PNLIPRP3: variants seen among roughly 807,000 people sequenced by gnomAD.
PNLIPRP3 encodes pancreatic lipase-related protein 3.
A neutral mutation model predicts 52.8 loss-of-function variants in PNLIPRP3; 58 were observed. That is an observed-to-expected ratio of 1.10 (90% CI 0.89 to 1.37). PNLIPRP3 has a LOEUF of 1.37. PNLIPRP3 is among the 40% of genes most tolerant of loss of function. The probability of loss-of-function intolerance (pLI) is 0.00; values close to 1 mark genes in which losing one functional copy is unlikely to be tolerated. For missense variants in PNLIPRP3, 593 were observed against 561.6 expected (o/e 1.06, Z -0.57); for synonymous variants, 192 against 185.0 (o/e 1.04, Z -0.31).
chr10:116,434,362 A>T (rs1442263805), intron 1 of PNLIPRP3, among the ~76,000 whole-genome samples: 1 of 152,180 alleles, frequency 6.6e-6, no homozygotes, highest in East Asian at 1.9e-4. Context: ...TAATGGCTGC[A>T]TAATATTCCT....
chr10:116,457,438 A>T lies in PNLIPRP3; in HGVS notation c.565+1608A>T, dbSNP rs142135491. 9.9e-3 allele frequency among the ~76,000 whole-genome samples: 1,500 copies of T among 152,272 alleles called. 23 individuals carry two copies. Among genetic ancestry groups the T allele is most frequent in the African/African-American group, 0.035 (1,435 of 41,538 alleles). ...CAATTTAGAACACAGTTTTTAAAAA[A>T]ATACCTAGAAGTCCAAATTGGGATT... On this transcript the variant is annotated intron_variant, in intron 5 of 11. Transcript: ENST00000369230.
At chr10:116,474,797 T>C (rs1846433328) in intron 10 of PNLIPRP3, among the ~76,000 whole-genome samples, 1 of 152,016 alleles carries the variant, frequency 6.6e-6, no homozygotes, top group Non-Finnish European at 1.5e-5. Context: ...AGTCAAAAAA[T>C]AACATGCTGG....
At position 116,458,190 on chromosome 10, in the gene PNLIPRP3, C is replaced by G. The variant is rs184512220; in HGVS notation, c.565+2360C>G. 5.9e-5 allele frequency among the ~76,000 whole-genome samples: 9 copies of G among 152,232 alleles called. 1 individual carries two copies. In the East Asian group the frequency reaches 1.7e-3, roughly 29 times the overall value. On this transcript the variant is annotated intron_variant, in intron 5 of 11. Transcript: ENST00000369230. ...GCTTTTATTTATTTTTATTTATAAA[C>G]AGTATCAACGCTTTTCTTATTTGAG...
intron 4 of PNLIPRP3, among the ~76,000 whole-genome samples, chr10:116,453,204 G>A (rs2133133109): frequency 6.6e-6 from 1 of 152,292 alleles, no homozygotes; most frequent in Middle Eastern, 3.4e-3. Flanking sequence ...TTTGCATGGG[G>A]CCTATTACCT....
intron 8 of PNLIPRP3, among the ~76,000 whole-genome samples, chr10:116,468,331 G>A (rs190763473): frequency 2.0e-5 from 3 of 151,870 alleles, no homozygotes; most frequent in Non-Finnish European, 4.4e-5. Flanking sequence ...AAAAATGAAG[G>A]CCACAATTTA....
intron 4 of PNLIPRP3, among the ~76,000 whole-genome samples, chr10:116,446,993 A>G (rs1845962796): frequency 2.0e-5 from 3 of 152,126 alleles, no homozygotes; most frequent in Non-Finnish European, 4.4e-5. Context: ...ATATTTTAGT[A>G]TCTAGGGGCC....
chr10:116,469,221 A>G lies in PNLIPRP3; in HGVS notation c.964A>G (p.Thr322Ala). The G allele has an allele frequency of 2.5e-6, 4 of 1,612,678 alleles. No homozygotes were observed. The highest frequency in any genetic ancestry group is 3.4e-6 in the Non-Finnish European group (4 of 1,179,516). Residue 322 changes from threonine (T) to alanine (A), a missense_variant, in exon 9 of 12, where the codon ACA becomes GCA. Coordinates refer to ENST00000369230, the MANE Select transcript of PNLIPRP3 (RefSeq NM_001011709.3). ...CTTTTGTTCCAAAGAAGGTTGCCCA[A>G]CAATGGGTCATTTTGCTGATAGATT... is the stretch of plus-strand genomic sequence containing the variant. ...CFFCSKEGCPTMGHFADRFHF... is the reference protein window; with the variant it reads ...CFFCSKEGCPAMGHFADRFHF...
intron 4 of PNLIPRP3, among the ~76,000 whole-genome samples, chr10:116,446,425 G>A (rs1845953125): frequency 2.0e-5 from 3 of 151,814 alleles, no homozygotes; most frequent in South Asian, 4.2e-4. Context: ...GCATTCATTG[G>A]CAGTTATTCA....
intron 3 of PNLIPRP3, among the ~76,000 whole-genome samples, chr10:116,443,731 G>A (rs1845894295): frequency 7.2e-6 from 1 of 138,442 alleles, no homozygotes; most frequent in Non-Finnish European, 1.5e-5. Flanking sequence ...CTAATGCATA[G>A]GTGCTAATTA....
At chr10:116,468,197 C>T (rs1213477919) in intron 8 of PNLIPRP3, among the ~76,000 whole-genome samples, 1 of 144,288 alleles carries the variant, frequency 6.9e-6, no homozygotes, top group Non-Finnish European at 1.5e-5. Context: ...TCTTTATGTA[C>T]TTGAGTGGAA....
rs1845662050 is a variant in PNLIPRP3, at chr10:116,428,050, G to A, written c.38G>A (p.Gly13Asp). The change falls in exon 1 of 12, where the codon GGC (glycine) becomes GAC (aspartate). Residue 13 changes from glycine (G) to aspartate (D), a missense_variant. Transcript: ENST00000369230. ...TGGATTGTTGCATTCTTGTTCTTTG[G>A]CACATCAAGAGGTAAGATTCATAAT... ...GIWIVAFLFFGTSRGKEVCYE... is the reference protein window; with the variant it reads ...GIWIVAFLFFDTSRGKEVCYE... 6 of 1,605,914 alleles carry A rather than the reference G, an allele frequency of 3.7e-6. No individual in the cohort carries two copies. The highest frequency in any genetic ancestry group is 5.1e-6 in the Non-Finnish European group (6 of 1,173,972).
chr10:116,443,763 G>C lies in PNLIPRP3; in HGVS notation c.324+589G>C, dbSNP rs200530794. ...ATTACTAATGTGTGTGTGTGTGTGT[G>C]TATGTGTGTGTGTGTGTGTGTGTAT... On this transcript the variant is annotated intron_variant, in intron 3 of 11. Transcript: ENST00000369230. Among the ~76,000 whole-genome samples the C allele has an allele frequency of 2.0e-4, 25 of 126,728 alleles. No homozygotes were observed. The East Asian group carries it at 5.3e-3, about 27-fold the overall frequency. The allele number at this position is 126,728 out of a possible 152,430, so 83.1% of individuals were successfully genotyped here.
intron 1 of PNLIPRP3, among the ~76,000 whole-genome samples, chr10:116,432,955 A>T (rs899504821): frequency 3.3e-5 from 5 of 151,752 alleles, no homozygotes; most frequent in African/African-American, 1.2e-4. Context: ...TCTACTAAAA[A>T]TACAAAAAAT....
intron 5 of PNLIPRP3, among the ~76,000 whole-genome samples, chr10:116,460,152 TCAC>T (rs1639275014): frequency 6.6e-6 from 1 of 152,200 alleles, no homozygotes; most frequent in Non-Finnish European, 1.5e-5. Flanking sequence ...ACACTTATGA[TCAC>T]CACTGCCTCT....
chr10:116,451,237 T>A (rs552575113), intron 4 of PNLIPRP3, among the ~76,000 whole-genome samples: 1 of 152,298 alleles, frequency 6.6e-6, no homozygotes, highest in African/African-American at 2.4e-5. Flanking sequence ...ATGAATTAAA[T>A]TTGACCCTTG....
chr10:116,436,429 T>G (rs1442028328), intron 1 of PNLIPRP3, among the ~76,000 whole-genome samples: 1 of 152,196 alleles, frequency 6.6e-6, no homozygotes, highest in East Asian at 1.9e-4. Flanking sequence ...TGTTGCTGGC[T>G]TTAGCAATGA....
intron 7 of PNLIPRP3, among the ~76,000 whole-genome samples, chr10:116,461,833 T>C (rs1846196827): frequency 1.3e-5 from 2 of 152,120 alleles, no homozygotes; most frequent in Non-Finnish European, 2.9e-5. Context: ...GTTAGCCTTA[T>C]AGACACCAAG....
At chr10:116,454,434 A>C (rs1267370120) in intron 4 of PNLIPRP3, among the ~76,000 whole-genome samples, 1 of 152,198 alleles carries the variant, frequency 6.6e-6, no homozygotes. Flanking sequence ...CCATTTTTTA[A>C]TAATGAGAGT....
At chr10:116,436,078 G>A (rs1845770132) in intron 1 of PNLIPRP3, among the ~76,000 whole-genome samples, 1 of 152,216 alleles carries the variant, frequency 6.6e-6, no homozygotes, top group Non-Finnish European at 1.5e-5. Context: ...AGGGTGCCAA[G>A]AATATGCAAT....
Sources: allele counts gnomAD v4.1 joint callset (sites outside exome capture counted in the v4.1 genomes callset), GRCh38; gene constraint gnomAD v4.1.1; transcripts MANE v1.5; gene names NCBI Gene and HGNC (gene_info 2026-07-23, HGNC 2026-07-21).